VAV1: variants seen among roughly 807,000 people sequenced by gnomAD.
VAV1 encodes the protein proto-oncogene vav.
In VAV1, 33 loss-of-function variants were observed where a neutral mutation model predicts 128.1. That is an observed-to-expected ratio of 0.26 (90% CI 0.20 to 0.34). The LOEUF is 0.34. Ranked by LOEUF, VAV1 falls within the 10% of genes least tolerant of loss-of-function variation. VAV1 has a pLI of 1.00. For synonymous variants in VAV1, 394 were observed against 409.8 expected (o/e 0.96, Z 0.47); for missense variants, 715 against 1,093.7 (o/e 0.65, Z 4.88).
chr19:6,846,252 T>C (rs1162296293), intron 22 of VAV1, among the ~76,000 whole-genome samples: 1 of 151,342 alleles, frequency 6.6e-6, no homozygotes, highest in Non-Finnish European at 1.5e-5. Context: ...TATACTATAA[T>C]ATACATTACA....
At chr19:6,800,235 C>G (rs538232152) in intron 1 of VAV1, among the ~76,000 whole-genome samples, 6 of 152,114 alleles carry the variant, frequency 3.9e-5, no homozygotes, top group African/African-American at 1.4e-4. Context: ...AACGTACCAA[C>G]TTTTCCAAAG....
At chr19:6,814,674 T>TCC (rs1568299208) in intron 1 of VAV1, among the ~76,000 whole-genome samples, 1,338 of 94,508 alleles carry the variant, frequency 0.014, 38 homozygotes, top group African/African-American at 0.039. Flanking sequence ...CTTCCTTCCT[T>TCC]TCTTTCTTTC....
At chr19:6,847,344 G>A (rs540046583) in intron 22 of VAV1, among the ~76,000 whole-genome samples, 17 of 151,964 alleles carry the variant, frequency 1.1e-4, no homozygotes, top group African/African-American at 4.1e-4. Context: ...GGAACCAAGG[G>A]TCTCCTTCCT....
chr19:6,839,072 T>C (rs1197610734), intron 21 of VAV1, among the ~76,000 whole-genome samples: 2 of 151,926 alleles, frequency 1.3e-5, no homozygotes, highest in East Asian at 1.9e-4. Context: ...CTGGCTAATT[T>C]TTGTATTTTT....
intron 20 of VAV1, among the ~76,000 whole-genome samples, chr19:6,836,770 C>G (rs1972232698): frequency 6.6e-6 from 1 of 151,460 alleles, no homozygotes; most frequent in Non-Finnish European, 1.5e-5. Flanking sequence ...TATCACCTCT[C>G]TGGGCTCTCC....
At chr19:6,799,568 C>T (rs1211435507) in intron 1 of VAV1, among the ~76,000 whole-genome samples, 1 of 152,110 alleles carries the variant, frequency 6.6e-6, no homozygotes, top group African/African-American at 2.4e-5. Context: ...CCATCATCTA[C>T]ATTAGGTATT....
At chr19:6,825,159 A>G (rs1375916374) in intron 7 of VAV1, 38 bp downstream of exon 7, 16 of 1,600,846 alleles carry the variant, frequency 1.0e-5, no homozygotes, top group Non-Finnish European at 1.4e-5. Flanking sequence ...GGGTCTGTCT[A>G]GTGCGGATAA....
In VAV1 at chr19:6,777,157, T is replaced by TCATCCACC. The variant is rs1378968939; in HGVS notation, c.204+4148_204+4155dup. On this transcript the variant is annotated intron_variant, in intron 1 of 26. Coordinates refer to ENST00000602142, the MANE Select transcript of VAV1 (RefSeq NM_005428.4). This position sits in a 1 kb window ranked among gnomAD's most constrained non-coding sequence, Gnocchi z 4.4. ...CCACCCATCCCATCCATCCATCCAC[T>TCATCCACC]CATCCACCCGTCTACTCATCTATCC... Among the ~76,000 whole-genome samples the TCATCCACC allele has an allele frequency of 6.6e-6, 1 of 150,798 alleles. No homozygotes were observed. The highest frequency in any genetic ancestry group is 1.5e-5 in the Non-Finnish European group (1 of 67,722).
Position 6,826,721 on chromosome 19 carries a change from G to A in VAV1, c.927+10G>A, listed in dbSNP as rs1275844576. On this transcript the variant is annotated intron_variant, in intron 9 of 26. Transcript: ENST00000602142. The surrounding 1 kb of genome is among the most constrained non-coding windows in gnomAD (Gnocchi z 4.1). Reference sequence around the variant, plus strand: ...GCAGATGAAGCTGGAGGTGGGCGCCGGGCCACTTCTCGGGGGCCTCTCCCG... The same window carrying A: ...GCAGATGAAGCTGGAGGTGGGCGCCAGGCCACTTCTCGGGGGCCTCTCCCG... 1.2e-5 allele frequency: 18 copies of A among 1,540,846 alleles called. No homozygotes were observed. The highest frequency in any genetic ancestry group is 5.5e-5 in the African/African-American group (4 of 73,084).
At chr19:6,799,069 G>A (rs1003945776) in intron 1 of VAV1, among the ~76,000 whole-genome samples, 8 of 152,030 alleles carry the variant, frequency 5.3e-5, no homozygotes, top group African/African-American at 1.9e-4. Context: ...TGATGTCCTG[G>A]TTCATCCATG....
At chr19:6,798,679 AG>A (rs1374386990) in intron 1 of VAV1, among the ~76,000 whole-genome samples, 1 of 150,676 alleles carries the variant, frequency 6.6e-6, no homozygotes, top group East Asian at 1.9e-4. Context: ...ACCCAAAAGA[AG>A]GGGGAAAAAA....
chr19:6,826,490 A>G lies in VAV1; in HGVS notation c.828-122A>G. The G allele has an allele frequency of 1.5e-6, 1 of 689,086 alleles. No individual in the cohort carries two copies. The allele number at this position is 689,086 out of a possible 1,614,324, so 42.7% of individuals were successfully genotyped here. A position where few individuals can be genotyped will look rare whatever the true frequency, so the allele number is the denominator to read the frequency against. The stretch of plus-strand genomic sequence containing the variant: ...TGCTATTGTTATGCCCATTTCACAG[A>G]TGGAGAAACTGGGACTCAGGTTTCT... On this transcript the variant is annotated intron_variant, in intron 8 of 26. Coordinates refer to ENST00000602142, the MANE Select transcript of VAV1 (RefSeq NM_005428.4). This position sits in a 1 kb window ranked among gnomAD's most constrained non-coding sequence, Gnocchi z 4.1.
chr19:6,847,788 T>C (rs1312600970), intron 22 of VAV1, among the ~76,000 whole-genome samples: 1 of 152,190 alleles, frequency 6.6e-6, no homozygotes, highest in Non-Finnish European at 1.5e-5. Flanking sequence ...ACCTTAGTGG[T>C]GACCTGTAGA....
At chr19:6,804,054 T>C (rs1363598549) in intron 1 of VAV1, among the ~76,000 whole-genome samples, 2 of 151,924 alleles carry the variant, frequency 1.3e-5, no homozygotes, top group Non-Finnish European at 1.5e-5. Flanking sequence ...AAAAGATCAG[T>C]AGTTGTCAGA....
intron 1 of VAV1, among the ~76,000 whole-genome samples, chr19:6,783,521 C>T (rs1223834689): frequency 6.9e-6 from 1 of 144,552 alleles, no homozygotes; most frequent in Non-Finnish European, 1.5e-5. Flanking sequence ...TTCCTCCAGG[C>T]TGGAGTGCAA....
chr19:6,842,852 C>A (rs1277572326), intron 21 of VAV1, among the ~76,000 whole-genome samples: 1 of 152,024 alleles, frequency 6.6e-6, no homozygotes, highest in African/African-American at 2.4e-5. Context: ...AGAAAAAATT[C>A]TTTTGATTTT....
chr19:6,788,722 G>A (rs2079102184), intron 1 of VAV1, among the ~76,000 whole-genome samples: 1 of 152,134 alleles, frequency 6.6e-6, no homozygotes, highest in Admixed American at 6.6e-5. Flanking sequence ...CTGGTCACAT[G>A]TCTATTTCTG....
At chr19:6,849,576 G>A (rs1972615827) in intron 23 of VAV1, among the ~76,000 whole-genome samples, 1 of 151,926 alleles carries the variant, frequency 6.6e-6, no homozygotes, top group Non-Finnish European at 1.5e-5. Flanking sequence ...GCCTCTCAAA[G>A]TGCTGGGATT....
At chr19:6,792,755 C>T (rs1312705957) in intron 1 of VAV1, among the ~76,000 whole-genome samples, 2 of 147,392 alleles carry the variant, frequency 1.4e-5, no homozygotes, top group Non-Finnish European at 3.0e-5. Flanking sequence ...GCAGTGGGGG[C>T]GAGGGGAGTG....
Sources: gnomAD v4.1 joint callset for allele counts (sites outside exome capture counted in the v4.1 genomes callset) on GRCh38, gnomAD v4.1.1 for gene constraint, Gnocchi (gnomAD v3.1) non-coding constraint, MANE v1.5 for transcripts, NCBI Gene and HGNC (gene_info 2026-07-23, HGNC 2026-07-21) for gene names.